OSBPL10: variants seen among roughly 807,000 people sequenced by gnomAD.
The protein encoded by OSBPL10 is oxysterol-binding protein-related protein 10.
A neutral mutation model predicts 81.7 loss-of-function variants in OSBPL10; 49 were observed. The ratio of observed to expected loss-of-function variants is 0.60; its 90% CI spans 0.48 to 0.76. The LOEUF is 0.76. Among genes scored for constraint, OSBPL10 ranks in the 30% least tolerant of loss-of-function variants. OSBPL10 has a pLI of 0.00. For synonymous variants in OSBPL10, 419 were observed against 383.6 expected (o/e 1.09, Z -1.08); for missense variants, 923 against 987.8 (o/e 0.93, Z 0.88).
intron 3 of OSBPL10, among the ~76,000 whole-genome samples, chr3:31,834,636 A>G (rs1326990503): frequency 1.3e-5 from 2 of 152,242 alleles, no homozygotes; most frequent in Non-Finnish European, 2.9e-5. Flanking sequence ...TCTACTGGCC[A>G]AAACTGCCAT....
In OSBPL10 at chr3:31,668,156, ATGAAT is replaced by A. The variant is rs556516675; in HGVS notation, c.2096+481_2096+485del. Among the ~76,000 whole-genome samples, 117 of 152,356 alleles carry A rather than the reference ATGAAT, an allele frequency of 7.7e-4. 1 individual carries two copies. Among genetic ancestry groups the A allele is most frequent in the South Asian group, 1.9e-3 (9 of 4,828 alleles). On this transcript the variant is annotated intron_variant, in intron 10 of 11. Transcript: ENST00000396556. Reference sequence around the variant, plus strand: ...TAGAATGCAAGATTAAAATGGATTCATGAATTGAAAGCTACTGATCCATGCAGCTA... The same window carrying A: ...TAGAATGCAAGATTAAAATGGATTCATGAAAGCTACTGATCCATGCAGCTA...
At chr3:31,818,802 G>C (rs1051403544) in intron 4 of OSBPL10, among the ~76,000 whole-genome samples, 3 of 151,898 alleles carry the variant, frequency 2.0e-5, no homozygotes, top group Non-Finnish European at 2.9e-5. Context: ...AGTGACAGCT[G>C]GTCTCATCAC....
chr3:31,787,366 G>A lies in OSBPL10; in HGVS notation c.730-39246C>T, dbSNP rs367929510. On this transcript the variant is annotated intron_variant, in intron 4 of 11. Transcript: ENST00000396556. ...GTAATCGCAGCAGGGAGGCCAAGGC[G>A]GGCAGATCACCTGAGGTCAGGAGTT... is the stretch of plus-strand genomic sequence containing the variant. Among the ~76,000 whole-genome samples, 12 of 152,194 alleles carry A rather than the reference G, an allele frequency of 7.9e-5. No homozygotes were observed. In the South Asian group the frequency reaches 1.5e-3, roughly 18 times the overall value.
At chr3:31,990,045 T>A in intron 2 of OSBPL10, 1 of 1,613,880 alleles carries the variant, frequency 6.2e-7, no homozygotes, top group Non-Finnish European at 8.5e-7. Flanking sequence ...GTGACAAAGT[T>A]TTTAGTCGCA....
chr3:31,900,037 T>C (rs1010108527), intron 1 of OSBPL10, among the ~76,000 whole-genome samples: 1 of 151,372 alleles, frequency 6.6e-6, no homozygotes, highest in Non-Finnish European at 1.5e-5. Flanking sequence ...TTTTTTTTTT[T>C]TTTTTTAAGA....
At chr3:31,738,294 C>T (rs1697250339) in intron 5 of OSBPL10, among the ~76,000 whole-genome samples, 1 of 151,636 alleles carries the variant, frequency 6.6e-6, no homozygotes, top group South Asian at 2.1e-4. Context: ...TATAATGAAT[C>T]CCTAGTTTAT....
intron 4 of OSBPL10, among the ~76,000 whole-genome samples, chr3:31,788,648 T>G (rs1236429661): frequency 2.6e-5 from 4 of 152,100 alleles, no homozygotes; most frequent in African/African-American, 4.8e-5. Context: ...TGTGGTGGTG[T>G]ACACCTGTAG....
At chr3:31,763,747 G>A (rs927003982) in intron 4 of OSBPL10, among the ~76,000 whole-genome samples, 3 of 151,872 alleles carry the variant, frequency 2.0e-5, no homozygotes, top group Non-Finnish European at 4.4e-5. Context: ...TTATTTTCAG[G>A]AAAGAAATGC....
chr3:31,825,620 T>TA lies in OSBPL10; in HGVS notation c.729+4419dup, dbSNP rs569932685. Among the ~76,000 whole-genome samples, 519 of 152,310 alleles carry TA rather than the reference T, an allele frequency of 3.4e-3. 2 individuals are homozygous for TA. The highest frequency in any genetic ancestry group is 0.012 in the African/African-American group (484 of 41,566). The stretch of plus-strand genomic sequence containing the variant: ...GCGTGATTCACTGCACCCAGCCCCA[T>TA]AAGACTTCTTACTCAATGCAATAAA... On this transcript the variant is annotated intron_variant, in intron 4 of 11. Transcript: ENST00000396556.
intron 1 of OSBPL10, among the ~76,000 whole-genome samples, chr3:31,903,162 C>T (rs983481378): frequency 2.0e-5 from 3 of 152,116 alleles, no homozygotes; most frequent in Non-Finnish European, 4.4e-5. Context: ...AAGCACTATT[C>T]TAGGTGCCAG....
At chr3:32,023,597 C>A (rs1699376732) in intron 2 of OSBPL10, among the ~76,000 whole-genome samples, 1 of 152,162 alleles carries the variant, frequency 6.6e-6, no homozygotes, top group Admixed American at 6.5e-5. Context: ...AAAAGAACCC[C>A]CTGCTCCATC....
chr3:31,670,684 G>A lies in OSBPL10; in HGVS notation c.1913+113C>T, dbSNP rs3749406. ...TCTCTTTTGGAAAAGACCTTAACAAGTTTATCTTGATTTTCAACTCATCCC... is the reference window on the plus strand; with the variant it reads ...TCTCTTTTGGAAAAGACCTTAACAAATTTATCTTGATTTTCAACTCATCCC... On this transcript the variant is annotated intron_variant, in intron 9 of 11. Coordinates refer to ENST00000396556, the MANE Select transcript of OSBPL10 (RefSeq NM_017784.5). 4 of 1,250,324 alleles carry A rather than the reference G, an allele frequency of 3.2e-6. No homozygotes were observed. The Admixed American group carries it at 9.1e-5, about 29-fold the overall frequency. The allele number at this position is 1,250,324 out of a possible 1,614,324, so 77.5% of individuals were successfully genotyped here.
At chr3:31,785,730 T>C (rs1433835090) in intron 4 of OSBPL10, among the ~76,000 whole-genome samples, 1 of 152,210 alleles carries the variant, frequency 6.6e-6, no homozygotes, top group South Asian at 2.1e-4. Flanking sequence ...CTGGGATTCT[T>C]GTAAGGCTTA....
chr3:31,973,936 T>C (rs915456604), intron 1 of OSBPL10, among the ~76,000 whole-genome samples: 1 of 152,246 alleles, frequency 6.6e-6, no homozygotes, highest in Admixed American at 6.5e-5. Context: ...AATGTTGTCC[T>C]ACAGGTAATG....
chr3:31,924,998 G>C (rs1277573461), intron 1 of OSBPL10, among the ~76,000 whole-genome samples: 1 of 152,146 alleles, frequency 6.6e-6, no homozygotes, highest in Admixed American at 6.5e-5. Context: ...AAGTGAAAAT[G>C]AATAGAAGTC....
chr3:32,056,457 G>T (rs965972760), intron 1 of OSBPL10, among the ~76,000 whole-genome samples: 3 of 152,216 alleles, frequency 2.0e-5, no homozygotes, highest in African/African-American at 7.2e-5. Flanking sequence ...CTCTTGTGGA[G>T]TATATTGCTG....
At chr3:32,050,661 ATTTT>A (rs57922283) in intron 1 of OSBPL10, among the ~76,000 whole-genome samples, 1 of 140,060 alleles carries the variant, frequency 7.1e-6, no homozygotes. Flanking sequence ...ATACAAAAGG[ATTTT>A]TTTTTTTTTT....
rs568228346 is a variant in OSBPL10 at position 31,670,100 on chromosome 3, C to T, written c.1913+697G>A. 3.3e-5 allele frequency among the ~76,000 whole-genome samples: 5 copies of T among 152,312 alleles called. No individual in the cohort carries two copies. In the East Asian group the frequency reaches 5.8e-4, roughly 18 times the overall value. On this transcript the variant is annotated intron_variant, in intron 9 of 11. Transcript: ENST00000396556. ...TGAAGTACACACAAATCAGTTCTTA[C>T]GAGCTGGTGTGTGCTGGCTCCAGGT...
chr3:31,734,024 A>G (rs1255945264), intron 5 of OSBPL10, among the ~76,000 whole-genome samples: 1 of 151,980 alleles, frequency 6.6e-6, no homozygotes, highest in African/African-American at 2.4e-5. Context: ...AAGAAAAAAA[A>G]AATTCTAAAT....
Sources: gnomAD v4.1 joint callset for allele counts (sites outside exome capture counted in the v4.1 genomes callset) on GRCh38, gnomAD v4.1.1 for gene constraint, MANE v1.5 for transcripts, NCBI Gene and HGNC (gene_info 2026-07-23, HGNC 2026-07-21) for gene names.